CFAP77: variants seen among roughly 807,000 people sequenced by gnomAD.
CFAP77 encodes the protein cilia and flagella associated protein 77, also known as cilia- and flagella-associated protein 77.
Under a neutral mutation model 31.1 loss-of-function variants are expected in CFAP77, and 25 were observed. That is an observed-to-expected ratio of 0.80 (90% CI 0.59 to 1.12). CFAP77 has a LOEUF of 1.12. CFAP77 is among the 50% of genes most tolerant of loss of function. The probability of loss-of-function intolerance (pLI) is 0.00; values close to 1 mark genes in which losing one functional copy is unlikely to be tolerated. For missense variants in CFAP77, 377 were observed against 397.3 expected (o/e 0.95, Z 0.44); for synonymous variants, 151 against 159.9 (o/e 0.94, Z 0.42).
rs1246333067 is a variant in CFAP77, at chr9:132,565,132, T to C, written c.733-7256T>C. ...GATTCCTAGGCAGATGGAGTAGAAA[T>C]CTCTTCTAGGATCTAGTAGCTGCTC... On this transcript the variant is annotated intron_variant, in intron 5 of 5. Coordinates refer to ENST00000393216, the MANE Select transcript of CFAP77 (RefSeq NM_001282957.2). This position sits in a 1 kb window ranked among gnomAD's most constrained non-coding sequence, Gnocchi z 4.1. Among the ~76,000 whole-genome samples, 2 of 151,394 alleles carry C rather than the reference T, an allele frequency of 1.3e-5. No homozygotes were observed. The highest frequency in any genetic ancestry group is 2.9e-5 in the Non-Finnish European group (2 of 67,874).
chr9:132,521,762 CT>C (rs774087426), intron 3 of CFAP77, among the ~76,000 whole-genome samples: 65 of 62,566 alleles, frequency 1.0e-3, no homozygotes, highest in East Asian at 6.4e-3. Context: ...AATAGACTTG[CT>C]TTTTTTTTTT....
chr9:132,453,600 T>C (rs536859265), intron 1 of CFAP77, among the ~76,000 whole-genome samples: 4 of 152,362 alleles, frequency 2.6e-5, no homozygotes, highest in Non-Finnish European at 1.5e-5. Context: ...TTGGTTCCAA[T>C]TGAAGCCAAA....
intron 1 of CFAP77, among the ~76,000 whole-genome samples, chr9:132,464,258 C>T (rs72765889): frequency 0.062 from 9,410 of 152,186 alleles, 326 homozygotes; most frequent in Middle Eastern, 0.1. Flanking sequence ...GGGCCAGATA[C>T]AGGGCTCGGT....
chr9:132,569,422 G>C (rs1293968704), intron 5 of CFAP77, among the ~76,000 whole-genome samples: 1 of 149,936 alleles, frequency 6.7e-6, no homozygotes, highest in Non-Finnish European at 1.5e-5. Context: ...AGGGTGGTAG[G>C]GGGGAAAAGG....
Position 132,486,014 on chromosome 9 carries a change from A to G in CFAP77, c.196-12681A>G, listed in dbSNP as rs866249103. ...TATATATATATATATATATATATAT[A>G]TATATATATATATATATATATATAT... On this transcript the variant is annotated intron_variant, in intron 1 of 5. Transcript: ENST00000393216. Among the ~76,000 whole-genome samples the G allele has an allele frequency of 4.3e-3, 65 of 15,114 alleles. 5 individuals carry two copies. Among genetic ancestry groups the G allele is most frequent in the African/African-American group, 0.024 (55 of 2,310 alleles). The allele number at this position is 15,114 out of a possible 152,430, so 9.9% of individuals were successfully genotyped here. A position where few individuals can be genotyped will look rare whatever the true frequency, so the allele number is the denominator to read the frequency against.
At chr9:132,563,316 T>C (rs1829847222) in intron 5 of CFAP77, among the ~76,000 whole-genome samples, 1 of 152,196 alleles carries the variant, frequency 6.6e-6, no homozygotes, top group African/African-American at 2.4e-5. Context: ...ACCCGGCCTA[T>C]TGAGCACTTG....
At chr9:132,473,975 G>T (rs1172042350) in intron 1 of CFAP77, among the ~76,000 whole-genome samples, 1 of 152,144 alleles carries the variant, frequency 6.6e-6, no homozygotes, top group Non-Finnish European at 1.5e-5. Context: ...GAGCCACCGC[G>T]CCTGGGCTGA....
chr9:132,417,251 A>G (rs1207986986), intron 1 of CFAP77, among the ~76,000 whole-genome samples: 1 of 151,460 alleles, frequency 6.6e-6, no homozygotes, highest in Non-Finnish European at 1.5e-5. Flanking sequence ...AGTAGCTGGG[A>G]TTACAGGTGC....
At position 132,539,176 on chromosome 9, in the gene CFAP77, G is replaced by T. The variant is rs1165623274; in HGVS notation, c.630+1470G>T. Reference sequence around the variant, plus strand: ...CTCGAGCTTTCAGAGAGATCAGATTGGCCTCCTCGGCAGTAGGTCCAGACT... The same window carrying T: ...CTCGAGCTTTCAGAGAGATCAGATTTGCCTCCTCGGCAGTAGGTCCAGACT... On this transcript the variant is annotated intron_variant, in intron 4 of 5. Transcript: ENST00000393216. The surrounding 1 kb of genome is among the most constrained non-coding windows in gnomAD (Gnocchi z 4.3). Among the ~76,000 whole-genome samples the T allele has an allele frequency of 1.3e-5, 2 of 152,144 alleles. No individual in the cohort carries two copies. Among genetic ancestry groups the T allele is most frequent in the Non-Finnish European group, 2.9e-5 (2 of 68,028 alleles).
intron 4 of CFAP77, among the ~76,000 whole-genome samples, chr9:132,540,077 C>T (rs1017975710): frequency 3.9e-5 from 6 of 152,120 alleles, no homozygotes; most frequent in African/African-American, 1.2e-4. Context: ...ATTACAGGCG[C>T]CTGCCACCAG....
chr9:132,554,794 G>A lies in CFAP77; in HGVS notation c.732+11747G>A, dbSNP rs1262913782. 2.6e-5 allele frequency among the ~76,000 whole-genome samples: 4 copies of A among 152,164 alleles called. No homozygotes were observed. Among genetic ancestry groups the A allele is most frequent in the African/African-American group, 7.2e-5 (3 of 41,420 alleles). On this transcript the variant is annotated intron_variant, in intron 5 of 5. Transcript: ENST00000393216. The surrounding 1 kb of genome is among the most constrained non-coding windows in gnomAD (Gnocchi z 4.1). ...TCTTCAGGGTGCCTGAATCTTGGATGCATTCCTAAGGGCTGTGTTGCCTCA... is the reference window on the plus strand; with the variant it reads ...TCTTCAGGGTGCCTGAATCTTGGATACATTCCTAAGGGCTGTGTTGCCTCA...
chr9:132,485,985 CATATATATATATATATATATATATAT>C (rs61265124), intron 1 of CFAP77, among the ~76,000 whole-genome samples: 987 of 53,546 alleles, frequency 0.018, 45 homozygotes, highest in Non-Finnish European at 0.025. Context: ...ACACACACCT[CATATATATATATATATATATATATAT>C]ATATATATAT....
intron 3 of CFAP77, among the ~76,000 whole-genome samples, chr9:132,534,975 A>G (rs1852519779): frequency 6.6e-6 from 1 of 152,178 alleles, no homozygotes; most frequent in South Asian, 2.1e-4. Context: ...CCTCCTGGGC[A>G]CAGAGATCAG....
In CFAP77 at chr9:132,523,090, T is replaced by TTC. The variant is rs200517693; in HGVS notation, c.525-14510_525-14509insCT. ...ACTGGTAGGCTTCTTTCTTCTTTCT[T>TTC]TTTTTTTTTTTTTTTGAGACAGGGT... On this transcript the variant is annotated intron_variant, in intron 3 of 5. Coordinates refer to ENST00000393216, the MANE Select transcript of CFAP77 (RefSeq NM_001282957.2). Among the ~76,000 whole-genome samples, 241 of 125,176 alleles carry TTC rather than the reference T, an allele frequency of 1.9e-3. 1 individual carries two copies. The highest frequency in any genetic ancestry group is 5.4e-3 in the African/African-American group (191 of 35,632). The allele number at this position is 125,176 out of a possible 152,430, so 82.1% of individuals were successfully genotyped here. A position where few individuals can be genotyped will look rare whatever the true frequency, so the allele number is the denominator to read the frequency against.
intron 5 of CFAP77, among the ~76,000 whole-genome samples, chr9:132,555,155 A>T (rs947618760): frequency 2.0e-5 from 3 of 152,224 alleles, no homozygotes; most frequent in African/African-American, 7.2e-5. Flanking sequence ...CATCTTTGCT[A>T]TCTAGCTGAG....
chr9:132,439,848 C>CAA (rs1225152331), intron 1 of CFAP77, among the ~76,000 whole-genome samples: 102 of 43,974 alleles, frequency 2.3e-3, no homozygotes, highest in East Asian at 4.3e-3. Context: ...GACTCCGTCT[C>CAA]AAAAAAAAAA....
intron 5 of CFAP77, among the ~76,000 whole-genome samples, chr9:132,559,706 C>T (rs568335572): frequency 1.3e-5 from 2 of 152,300 alleles, no homozygotes; most frequent in South Asian, 4.1e-4. Flanking sequence ...TGAAAACATA[C>T]ATCCACACAA....
rs755369742 is a variant in CFAP77, at chr9:132,498,690, G to A, written c.196-5G>A. 3 of 1,608,196 alleles carry A rather than the reference G, an allele frequency of 1.9e-6. No individual in the cohort carries two copies. The highest frequency in any genetic ancestry group is 1.3e-5 in the African/African-American group (1 of 74,986). The stretch of plus-strand genomic sequence containing the variant: ...CACCTCTGCTCTCTGTCCTTCCCCC[G>A]ACAGGCTGAACTCGGCAAGCCCCGG... On this transcript the variant is annotated splice_region_variant and splice_polypyrimidine_tract_variant and intron_variant, in intron 1 of 5. Transcript: ENST00000393216. This position sits in a 1 kb window ranked among gnomAD's most constrained non-coding sequence, Gnocchi z 4.2.
chr9:132,441,017 T>C (rs1219450589), intron 1 of CFAP77, among the ~76,000 whole-genome samples: 2 of 152,202 alleles, frequency 1.3e-5, no homozygotes, highest in Non-Finnish European at 2.9e-5. Context: ...CAAAGACCAC[T>C]GTTTTCACCA....
Sources: gnomAD v4.1 joint callset for allele counts (sites outside exome capture counted in the v4.1 genomes callset) on GRCh38, gnomAD v4.1.1 for gene constraint, Gnocchi (gnomAD v3.1) non-coding constraint, MANE v1.5 for transcripts, NCBI Gene and HGNC (gene_info 2026-07-23, HGNC 2026-07-21) for gene names.